MCF2L: variants seen among roughly 807,000 people sequenced by gnomAD.
MCF2L encodes the protein MCF.2 cell line derived transforming sequence like.
MCF2L carries 97 observed loss-of-function variants against 153.4 expected under a neutral mutation model. That is an observed-to-expected ratio of 0.63 (90% CI 0.54 to 0.75). MCF2L has a LOEUF of 0.75. Ranked by LOEUF, MCF2L falls within the 30% of genes least tolerant of loss-of-function variation. The pLI is 0.00. For synonymous variants in MCF2L, 659 were observed against 632.2 expected (o/e 1.04, Z -0.64); for missense variants, 1,347 against 1,495.2 (o/e 0.90, Z 1.64).
intron 1 of MCF2L, among the ~76,000 whole-genome samples, chr13:113,005,908 A>C (rs1349139028): frequency 6.6e-6 from 1 of 152,240 alleles, no homozygotes; most frequent in Non-Finnish European, 1.5e-5. Context: ...TAAGCTCAGG[A>C]AGTGATGAGC....
Position 113,027,286 on chromosome 13 carries a change from C to T in MCF2L, c.278+2528C>T, listed in dbSNP as rs1368307506. On this transcript the variant is annotated intron_variant, in intron 3 of 29. Transcript: ENST00000535094. This position sits in a 1 kb window ranked among gnomAD's most constrained non-coding sequence, Gnocchi z 4.8. Reference sequence around the variant, plus strand: ...TCCCCTGATAAATATCACATAACCACCAGCTGGCAGCAGCCAGCCTCTGCA... The same window carrying T: ...TCCCCTGATAAATATCACATAACCATCAGCTGGCAGCAGCCAGCCTCTGCA... Among the ~76,000 whole-genome samples, 1 of 152,200 alleles carries T rather than the reference C, an allele frequency of 6.6e-6. No homozygotes were observed. The highest frequency in any genetic ancestry group is 1.5e-5 in the Non-Finnish European group (1 of 68,040).
At position 113,027,860 on chromosome 13, in the gene MCF2L, C is replaced by T. The variant is rs755287774; in HGVS notation, c.278+3102C>T. 2.6e-5 allele frequency among the ~76,000 whole-genome samples: 4 copies of T among 152,198 alleles called. No individual in the cohort carries two copies. Among genetic ancestry groups the T allele is most frequent in the African/African-American group, 7.2e-5 (3 of 41,444 alleles). Reference sequence around the variant, plus strand: ...AGACCACATGGCCGTACCCCGAGGACGTAGGCTCCAGGTGTGCTGTGGCCA... The same window carrying T: ...AGACCACATGGCCGTACCCCGAGGATGTAGGCTCCAGGTGTGCTGTGGCCA... On this transcript the variant is annotated intron_variant, in intron 3 of 29. Transcript: ENST00000535094. This position sits in a 1 kb window ranked among gnomAD's most constrained non-coding sequence, Gnocchi z 4.8.
chr13:113,078,716 G>A lies in MCF2L; in HGVS notation c.1785G>A (p.Glu595=), dbSNP rs760846375. The change falls in exon 15 of 30, where the codon GAG becomes GAA. Residue 595 remains glutamate, a synonymous_variant. Coordinates refer to ENST00000535094, the MANE Select transcript of MCF2L (RefSeq NM_001112732.3). ...RQGRGSAGEE[E]ESLAILRRHV... The stretch of plus-strand genomic sequence containing the variant: ...GCCGCGGCTCAGCGGGGGAGGAGGA[G>A]GAAAGCCTGGCCATCCTGCGCAGGT... 65 of 1,607,390 alleles carry A rather than the reference G, an allele frequency of 4.0e-5. No homozygotes were observed. Among genetic ancestry groups the A allele is most frequent in the Non-Finnish European group, 5.1e-5 (60 of 1,179,170 alleles).
intron 2 of MCF2L, among the ~76,000 whole-genome samples, chr13:112,935,652 G>T (rs779945602): frequency 6.6e-6 from 1 of 152,218 alleles, no homozygotes; most frequent in Non-Finnish European, 1.5e-5. Context: ...GCTGGGCTGA[G>T]CTGTGATGTT....
chr13:113,048,527 G>A (rs1029909005), intron 4 of MCF2L, among the ~76,000 whole-genome samples: 1 of 106,874 alleles, frequency 9.4e-6, no homozygotes, highest in African/African-American at 3.1e-5. Context: ...TGCAAGCTCT[G>A]CCTCCCCGGG....
chr13:112,938,368 T>C (rs1301855794), intron 2 of MCF2L, among the ~76,000 whole-genome samples: 1 of 151,784 alleles, frequency 6.6e-6, no homozygotes, highest in African/African-American at 2.4e-5. Context: ...AGTCCAGAAG[T>C]TGACTGGAGG....
intron 2 of MCF2L, among the ~76,000 whole-genome samples, chr13:113,024,402 G>A (rs949638638): frequency 3.3e-5 from 5 of 152,182 alleles, no homozygotes; most frequent in Admixed American, 6.5e-5. Context: ...GAATTGTCAC[G>A]GTAGCTGTCC....
In MCF2L at chr13:113,054,766, A is replaced by G. The variant is rs972649473; in HGVS notation, c.370-5827A>G. ...CAGCATGTCCTGTTGCTTTAGCTGC[A>G]TTGGTAAATACATGCAGCGATTGTT... On this transcript the variant is annotated intron_variant, in intron 4 of 29. Transcript: ENST00000535094. The surrounding 1 kb of genome is among the most constrained non-coding windows in gnomAD (Gnocchi z 5.2). The G allele has an allele frequency of 1.3e-5, 2 of 152,238 alleles. No individual in the cohort carries two copies. The highest frequency in any genetic ancestry group is 2.9e-5 in the Non-Finnish European group (2 of 68,040). The allele number at this position is 152,238 out of a possible 1,614,324, so 9.4% of individuals were successfully genotyped here. A position where few individuals can be genotyped will look rare whatever the true frequency, so the allele number is the denominator to read the frequency against.
intron 2 of MCF2L, among the ~76,000 whole-genome samples, chr13:112,935,487 C>T (rs1177942926): frequency 6.6e-6 from 1 of 152,162 alleles, no homozygotes; most frequent in Non-Finnish European, 1.5e-5. Flanking sequence ...GAACTCCTGA[C>T]CTCAGGTGAT....
chr13:113,058,698 ATGGGCGCTGTT>A (rs1192613184), intron 4 of MCF2L, among the ~76,000 whole-genome samples: 2 of 81,238 alleles, frequency 2.5e-5, no homozygotes, highest in African/African-American at 1.0e-4. Flanking sequence ...TGGGCACTGA[ATGGGCGCTGTT>A]TGGGCACTGA....
intron 1 of MCF2L, among the ~76,000 whole-genome samples, chr13:112,901,714 A>T (rs144286223): frequency 1.3e-5 from 2 of 152,224 alleles, no homozygotes; most frequent in Non-Finnish European, 2.9e-5. Context: ...TCAGTGAGGA[A>T]TTATGCTTTA....
chr13:113,063,796 G>A (rs895411339), intron 5 of MCF2L: 10 of 441,562 alleles, frequency 2.3e-5, no homozygotes, highest in Admixed American at 1.7e-4. Flanking sequence ...ACTGAAACAC[G>A]GACACACACG....
At chr13:113,080,573 G>A (rs2034029699) in intron 15 of MCF2L, among the ~76,000 whole-genome samples, 1 of 152,242 alleles carries the variant, frequency 6.6e-6, no homozygotes, top group South Asian at 2.1e-4. Context: ...GTAGGCTGCT[G>A]AAAGGTGCTC....
At chr13:113,034,588 T>G (rs1473990193) in intron 3 of MCF2L, among the ~76,000 whole-genome samples, 1 of 150,242 alleles carries the variant, frequency 6.7e-6, no homozygotes, top group Non-Finnish European at 1.5e-5. Context: ...TCCCTCGCCC[T>G]GGTCTCACCC....
intron 2 of MCF2L, among the ~76,000 whole-genome samples, chr13:112,911,648 CA>C (rs1278427927): frequency 2.6e-5 from 4 of 152,254 alleles, no homozygotes; most frequent in African/African-American, 9.6e-5. Flanking sequence ...GTGGGCCCGG[CA>C]CCCCCTTCTG....
At chr13:113,038,008 A>T (rs968169391) in intron 3 of MCF2L, among the ~76,000 whole-genome samples, 8 of 152,212 alleles carry the variant, frequency 5.3e-5, no homozygotes, top group African/African-American at 1.9e-4. Flanking sequence ...TACTAAACTT[A>T]ATTGTATTTT....
intron 1 of MCF2L, among the ~76,000 whole-genome samples, chr13:112,994,891 G>A (rs1291098553): frequency 6.6e-6 from 1 of 152,248 alleles, no homozygotes; most frequent in Non-Finnish European, 1.5e-5. Context: ...AGCCCAGGCA[G>A]CCCTCGACCT....
intron 1 of MCF2L, among the ~76,000 whole-genome samples, chr13:113,012,841 C>T (rs1410667096): frequency 1.4e-5 from 1 of 73,806 alleles, no homozygotes; most frequent in Non-Finnish European, 2.8e-5. Flanking sequence ...GTGATGCGGA[C>T]GGTGGACAGG....
chr13:113,094,552 G>A lies in MCF2L; in HGVS notation c.2992G>A (p.Asp998Asn), dbSNP rs1026662989. The change falls in exon 27 of 30, where the codon GAC becomes AAC. Residue 998 changes from aspartate (D) to asparagine (N), a missense_variant. Physicochemically the swap from Asp to Asn is conservative, Grantham distance 23. Around this residue, in one of 3 missense-constraint regions of MCF2L, gnomAD observed 383 missense variants for 335.4 expected, o/e 1.14. Transcript: ENST00000535094. ...GTCCCACTCACTGGAGGCACCTGAG[G>A]ACGACGGGGGCTGGTCAAGTGCAGA... ...KTSHSLEAPE[D>N]DGGWSSAEEQ... is the part of the protein sequence containing the mutation. 1 of 1,612,590 alleles carries A rather than the reference G, an allele frequency of 6.2e-7. No individual in the cohort carries two copies. Among genetic ancestry groups the A allele is most frequent in the Non-Finnish European group, 8.5e-7 (1 of 1,179,696 alleles).
Sources: gnomAD v4.1 joint callset for allele counts (sites outside exome capture counted in the v4.1 genomes callset) on GRCh38, gnomAD v4.1.1 for gene constraint, gnomAD v4.1.1 regional missense constraint, Gnocchi (gnomAD v3.1) non-coding constraint, MANE v1.5 for transcripts, NCBI Gene and HGNC (gene_info 2026-07-23, HGNC 2026-07-21) for gene names.